FAAH2: variants seen among roughly 807,000 people sequenced by gnomAD.
FAAH2 encodes the protein fatty-acid amide hydrolase 2.
Under a neutral mutation model 36.9 loss-of-function variants are expected in FAAH2, and 60 were observed. The ratio of observed to expected loss-of-function variants is 1.63; its 90% CI spans 1.32 to 2.02. The LOEUF is 2.02. FAAH2 is among the 30% of genes most tolerant of loss of function. The pLI is 0.00. For missense variants in FAAH2, 689 were observed against 397.5 expected (o/e 1.73, Z -6.23); for synonymous variants, 214 against 143.8 (o/e 1.49, Z -3.49).
chrX:57,264,894 G>A, the FAAH2 span, among the ~76,000 whole-genome samples: 1 of 112,012 alleles, frequency 8.9e-6, no homozygotes, highest in Non-Finnish European at 1.9e-5. Flanking sequence ...AACCAAAGGG[G>A]CAGGTAAATA....
chrX:57,359,968 G>GT (rs1447509320), intron 5 of FAAH2, among the ~76,000 whole-genome samples: 2 of 106,427 alleles, frequency 1.9e-5, no homozygotes, highest in African/African-American at 7.0e-5. Flanking sequence ...ATTTTTCAGG[G>GT]TGTTTTTTTT....
the FAAH2 span, among the ~76,000 whole-genome samples, chrX:57,196,404 T>C: frequency 8.9e-6 from 1 of 112,084 alleles, no homozygotes; most frequent in Non-Finnish European, 1.9e-5. Flanking sequence ...TTTGTGTACA[T>C]TAATTTTGTA....
chrX:57,342,892 G>T (rs914282939), intron 5 of FAAH2, among the ~76,000 whole-genome samples: 10 of 111,534 alleles, frequency 9.0e-5, no homozygotes, highest in Non-Finnish European at 1.9e-4. Flanking sequence ...TTCTGTTCCT[G>T]TGTTAATTAG....
the FAAH2 span, among the ~76,000 whole-genome samples, chrX:57,122,492 A>T: frequency 1.8e-5 from 2 of 112,553 alleles, no homozygotes; most frequent in African/African-American, 6.5e-5. Flanking sequence ...AAATAACTTT[A>T]TAAGAAATAA....
the FAAH2 span, among the ~76,000 whole-genome samples, chrX:57,140,974 A>T: frequency 9.0e-6 from 1 of 111,551 alleles, no homozygotes; most frequent in East Asian, 2.8e-4. Flanking sequence ...CATGAAACTA[A>T]TTTTTTTGTG....
chrX:57,196,292 T>A, the FAAH2 span, among the ~76,000 whole-genome samples: 2 of 111,921 alleles, frequency 1.8e-5, no homozygotes, highest in African/African-American at 6.5e-5. Flanking sequence ...TGGTTAGGTA[T>A]ATTTGTAAGT....
upstream of FAAH2, among the ~76,000 whole-genome samples, chrX:57,282,178 C>T (rs1445232740): frequency 3.6e-5 from 4 of 111,893 alleles, no homozygotes; most frequent in African/African-American, 1.3e-4. Context: ...TAACTTATAT[C>T]GCCTATAGCA....
At chrX:57,420,628 A>G (rs949502088) in intron 7 of FAAH2, among the ~76,000 whole-genome samples, 4 of 109,417 alleles carry the variant, frequency 3.7e-5, no homozygotes, top group African/African-American at 1.0e-4. Context: ...GGGCTGAGAC[A>G]ATGTGGTTTT....
At chrX:57,197,106 A>G in the FAAH2 span, among the ~76,000 whole-genome samples, 1 of 111,667 alleles carries the variant, frequency 9.0e-6, no homozygotes, top group Middle Eastern at 4.6e-3. Context: ...AACTGGGTTA[A>G]TATGAAAGCC....
chrX:57,443,386 C>T (rs1329662112), intron 8 of FAAH2, among the ~76,000 whole-genome samples: 1 of 111,932 alleles, frequency 8.9e-6, no homozygotes, highest in African/African-American at 3.3e-5. Flanking sequence ...ACCCTTTCTT[C>T]CACTTTATCA....
At chrX:57,392,083 G>A (rs2055180121) in intron 7 of FAAH2, among the ~76,000 whole-genome samples, 2 of 111,182 alleles carry the variant, frequency 1.8e-5, no homozygotes, top group Middle Eastern at 4.2e-3. Context: ...AGTGTAAATG[G>A]GATGGAATTT....
the FAAH2 span, among the ~76,000 whole-genome samples, chrX:57,279,370 C>G: frequency 8.9e-6 from 1 of 112,183 alleles, no homozygotes; most frequent in African/African-American, 3.2e-5. Context: ...CCAAACACTG[C>G]GTGTTCTCAC....
At chrX:57,266,698 G>T in the FAAH2 span, among the ~76,000 whole-genome samples, 1 of 112,405 alleles carries the variant, frequency 8.9e-6, no homozygotes, top group Non-Finnish European at 1.9e-5. Flanking sequence ...CCTGGCTGGG[G>T]CCCAGAGCAC....
chrX:57,474,031 C>T, intron 10 of FAAH2, among the ~76,000 whole-genome samples: 1 of 111,346 alleles, frequency 9.0e-6, no homozygotes. Flanking sequence ...GGTTTTCTTC[C>T]TATTACAATA....
At chrX:57,364,637 G>A (rs772046592) in intron 5 of FAAH2, among the ~76,000 whole-genome samples, 8 of 109,483 alleles carry the variant, frequency 7.3e-5, no homozygotes, top group Non-Finnish European at 1.3e-4. Context: ...TCCACCAGGT[G>A]TAATGTTAGG....
chrX:57,432,430 T>C (rs1328991224), intron 8 of FAAH2, among the ~76,000 whole-genome samples: 1 of 111,652 alleles, frequency 9.0e-6, no homozygotes, highest in Non-Finnish European at 1.9e-5. Context: ...ACTCAGAACA[T>C]GTAGGTTTCA....
chrX:57,308,974 T>G (rs1396665621), intron 2 of FAAH2, among the ~76,000 whole-genome samples: 4 of 112,397 alleles, frequency 3.6e-5, no homozygotes, highest in African/African-American at 6.5e-5. Flanking sequence ...CATATTCATT[T>G]TTTAATACTT....
chrX:57,198,449 C>A, the FAAH2 span, among the ~76,000 whole-genome samples: 1 of 111,986 alleles, frequency 8.9e-6, no homozygotes, highest in Non-Finnish European at 1.9e-5. Context: ...GAGTTTTTAT[C>A]CAGGCAGCCA....
chrX:57,449,134 G>C (rs1021801621), intron 10 of FAAH2, among the ~76,000 whole-genome samples: 11 of 111,989 alleles, frequency 9.8e-5, no homozygotes, highest in Admixed American at 6.7e-4. Flanking sequence ...ACTTGACTTA[G>C]CTATCATCCC....
Sources: allele counts gnomAD v4.1 joint callset (sites outside exome capture counted in the v4.1 genomes callset), GRCh38; gene constraint gnomAD v4.1.1; transcripts MANE v1.5; gene names NCBI Gene and HGNC (gene_info 2026-07-23, HGNC 2026-07-21).